PCGF6: variants seen among roughly 807,000 people sequenced by gnomAD.
The protein encoded by PCGF6 is polycomb group ring finger 6, also known as polycomb group RING finger protein 6.
Under a neutral mutation model 45.5 loss-of-function variants are expected in PCGF6, and 24 were observed. The observed-to-expected ratio is 0.53, with a 90% CI of 0.38 to 0.74. PCGF6 has a LOEUF of 0.74. Ranked by LOEUF, PCGF6 falls within the 30% of genes least tolerant of loss-of-function variation. PCGF6 has a pLI of 0.00. For missense variants in PCGF6, 356 were observed against 443.2 expected, an observed-to-expected ratio of 0.80 and a Z score of 1.77; for synonymous variants, 152 against 162.1, an observed-to-expected ratio of 0.94 and a Z score of 0.47.
chr10:103,339,675 C>T (rs919616761), intron 6 of PCGF6, among the ~76,000 whole-genome samples: 6 of 150,054 alleles, frequency 4.0e-5, no homozygotes, highest in Non-Finnish European at 5.9e-5. Context: ...TTGTAATCCC[C>T]GCTACTCTGG....
rs1481582535 is a variant in PCGF6 at position 103,339,860 on chromosome 10, CACACACAA to C, written c.782+5156_782+5163del. Among the ~76,000 whole-genome samples, 9 of 109,380 alleles carry C rather than the reference CACACACAA, an allele frequency of 8.2e-5. No individual in the cohort carries two copies. In the East Asian group the frequency reaches 1.2e-3, roughly 14 times the overall value. The allele number at this position is 109,380 out of a possible 152,430, so 71.8% of individuals were successfully genotyped here. A position where few individuals can be genotyped will look rare whatever the true frequency, so the allele number is the denominator to read the frequency against. ...ACACACACACACACACACACACACA[CACACACAA>C]AAGCATCTTATGAGGCCAGGTGCAG... On this transcript the variant is annotated intron_variant, in intron 6 of 9. Coordinates refer to ENST00000369847, the MANE Select transcript of PCGF6 (RefSeq NM_001011663.2).
At chr10:103,348,676 T>A in intron 3 of PCGF6, 40 bp downstream of exon 3, 1 of 1,367,610 alleles carries the variant, frequency 7.3e-7, no homozygotes, top group Non-Finnish European at 1.0e-6. Context: ...TCAGAAAAAG[T>A]ATATTTAAAA....
At chr10:103,324,548 G>T (rs2093209686) in intron 8 of PCGF6, among the ~76,000 whole-genome samples, 1 of 150,380 alleles carries the variant, frequency 6.6e-6, no homozygotes, top group Admixed American at 6.6e-5. Flanking sequence ...CACGAGGTCA[G>T]GAGATGGAGG....
rs2093318348 is a variant in PCGF6, at chr10:103,350,833, C to T, written c.234G>A (p.Glu78=). Residue 78 remains glutamate (E), a synonymous_variant, in exon 1 of 10, where the codon GAG becomes GAA. Transcript: ENST00000369847. The part of the protein sequence containing the change: ...RSLGRFRGRF[E]DEDEELEEEE... ...CTTCTTCCAACTCCTCGTCCTCGTC[C>T]TCGAAGCGGCCTCTGAAGCGGCCCA... The T allele has an allele frequency of 3.2e-6, 5 of 1,547,272 alleles. No homozygotes were observed. Among genetic ancestry groups the T allele is most frequent in the Non-Finnish European group, 4.4e-6 (5 of 1,145,990 alleles).
chr10:103,329,167 G>GT, intron 7 of PCGF6, among the ~76,000 whole-genome samples: 1 of 152,218 alleles, frequency 6.6e-6, no homozygotes, highest in South Asian at 2.1e-4. Context: ...AGCCTCCCAA[G>GT]TAGCTGGGAC....
At chr10:103,348,599 A>C in intron 3 of PCGF6, 117 bp downstream of exon 3, 2 of 774,262 alleles carry the variant, frequency 2.6e-6, no homozygotes, top group Non-Finnish European at 4.0e-6. Flanking sequence ...TGCTGGGATT[A>C]TGGCATTAGC....
intron 8 of PCGF6, among the ~76,000 whole-genome samples, chr10:103,319,569 T>G (rs1368369830): frequency 6.6e-6 from 1 of 152,172 alleles, no homozygotes; most frequent in Non-Finnish European, 1.5e-5. Context: ...ACTGTTGCAT[T>G]CATTACATCC....
chr10:103,349,581 A>G (rs2093313391), intron 1 of PCGF6, among the ~76,000 whole-genome samples: 1 of 144,220 alleles, frequency 6.9e-6, no homozygotes, highest in South Asian at 2.2e-4. Flanking sequence ...CCCAGATTCA[A>G]GTGATTCTCC....
At chr10:103,346,382 T>C (rs1370032274) in intron 5 of PCGF6, among the ~76,000 whole-genome samples, 2 of 151,720 alleles carry the variant, frequency 1.3e-5, no homozygotes, top group African/African-American at 4.8e-5. Flanking sequence ...TCCCAGCACT[T>C]TGGGAGGCCG....
intron 7 of PCGF6, among the ~76,000 whole-genome samples, chr10:103,327,454 T>C (rs2133575567): frequency 6.6e-6 from 1 of 152,274 alleles, no homozygotes; most frequent in African/African-American, 2.4e-5. Flanking sequence ...TCAACAATTT[T>C]CAGGGGACAA....
intron 9 of PCGF6, among the ~76,000 whole-genome samples, chr10:103,311,843 C>T (rs1327900062): frequency 6.6e-6 from 1 of 151,884 alleles, no homozygotes; most frequent in African/African-American, 2.4e-5. Context: ...AATCCCAGCA[C>T]TTTGGGAGGC....
chr10:103,310,583 C>CA (rs1258313114), intron 9 of PCGF6, among the ~76,000 whole-genome samples: 5 of 151,942 alleles, frequency 3.3e-5, no homozygotes, highest in African/African-American at 1.2e-4. Flanking sequence ...TTCTTGGGAA[C>CA]AGATTGTGAG....
intron 8 of PCGF6, among the ~76,000 whole-genome samples, chr10:103,316,436 T>C (rs1238845170): frequency 4.6e-5 from 7 of 152,244 alleles, no homozygotes; most frequent in Non-Finnish European, 1.0e-4. Flanking sequence ...GTATTTGACA[T>C]GTGTTATCTA....
At chr10:103,308,610 G>A (rs1249966924) in intron 9 of PCGF6, among the ~76,000 whole-genome samples, 1 of 151,954 alleles carries the variant, frequency 6.6e-6, no homozygotes, top group East Asian at 1.9e-4. Flanking sequence ...GGTGGATCAC[G>A]CCTGTAATCC....
At chr10:103,324,467 A>G (rs986155514) in intron 8 of PCGF6, among the ~76,000 whole-genome samples, 2 of 151,874 alleles carry the variant, frequency 1.3e-5, no homozygotes, top group African/African-American at 4.9e-5. Context: ...CAACAAGAAG[A>G]AAATATTATG....
chr10:103,334,075 G>C (rs1296787979), intron 6 of PCGF6, 123 bp from the exon 7 acceptor site: 1 of 635,220 alleles, frequency 1.6e-6, no homozygotes, highest in African/African-American at 1.9e-5. Flanking sequence ...ACAGTCACCT[G>C]AAGTTTTATG....
intron 9 of PCGF6, among the ~76,000 whole-genome samples, chr10:103,305,812 C>T (rs975006561): frequency 6.6e-6 from 1 of 151,696 alleles, no homozygotes; most frequent in African/African-American, 2.4e-5. Context: ...CTTTGAGAGT[C>T]CGAGGTGGGC....
intron 1 of PCGF6, 94 bp from the exon 2 acceptor site, chr10:103,349,093 A>C: frequency 9.7e-7 from 1 of 1,032,472 alleles, no homozygotes; most frequent in Non-Finnish European, 1.4e-6. Context: ...CTGTAGCCCA[A>C]GCTGAGTGCA....
intron 9 of PCGF6, among the ~76,000 whole-genome samples, chr10:103,305,915 A>T (rs982285486): frequency 2.6e-5 from 4 of 151,820 alleles, no homozygotes; most frequent in African/African-American, 9.7e-5. Context: ...AAAAAAAGGA[A>T]AAAGAATTTT....
Sources: allele counts gnomAD v4.1 joint callset (sites outside exome capture counted in the v4.1 genomes callset), GRCh38; gene constraint gnomAD v4.1.1; transcripts MANE v1.5; gene names NCBI Gene and HGNC (gene_info 2026-07-23, HGNC 2026-07-21).